Variants in GRIK4 observed in about 807,000 individuals in gnomAD.
The protein encoded by GRIK4 is glutamate ionotropic receptor kainate type subunit 4, also known as glutamate receptor ionotropic, kainate 4.
GRIK4 carries 40 observed loss-of-function variants against 104.9 expected under a neutral mutation model. The observed-to-expected ratio is 0.38, with a 90% CI of 0.30 to 0.50. GRIK4 has a LOEUF of 0.50. Ranked by LOEUF, GRIK4 falls within the 20% of genes least tolerant of loss-of-function variation. The pLI, the probability that GRIK4 is intolerant of heterozygous loss-of-function variation, is 0.93. For synonymous variants in GRIK4, 485 were observed against 524.9 expected, an observed-to-expected ratio of 0.92 and a Z score of 1.04; for missense variants, 1,047 against 1,308.1, an observed-to-expected ratio of 0.80 and a Z score of 3.08.
chr11:120,690,636 A>G (rs2135308581), intron 3 of GRIK4, among the ~76,000 whole-genome samples: 1 of 152,356 alleles, frequency 6.6e-6, no homozygotes, highest in Middle Eastern at 3.4e-3. Context: ...AGCAACCAAG[A>G]TGGGTCCCAG....
intron 11 of GRIK4, among the ~76,000 whole-genome samples, chr11:120,883,787 T>A (rs936199325): frequency 6.6e-6 from 1 of 152,234 alleles, no homozygotes; most frequent in East Asian, 1.9e-4. Flanking sequence ...TAAATGTATT[T>A]CTTATAATGT....
At chr11:120,782,683 T>C (rs1394956294) in intron 3 of GRIK4, among the ~76,000 whole-genome samples, 1 of 152,150 alleles carries the variant, frequency 6.6e-6, no homozygotes, top group Non-Finnish European at 1.5e-5. Context: ...TGGAGATTCC[T>C]CCCGTGGCTA....
At chr11:120,802,108 C>A (rs1303953898) in intron 3 of GRIK4, among the ~76,000 whole-genome samples, 1 of 152,208 alleles carries the variant, frequency 6.6e-6, no homozygotes, top group Non-Finnish European at 1.5e-5. Context: ...GGTTGTCCTA[C>A]TCTTTCTAAT....
At chr11:120,856,752 A>T (rs1209775439) in intron 8 of GRIK4, among the ~76,000 whole-genome samples, 1 of 152,136 alleles carries the variant, frequency 6.6e-6, no homozygotes, top group African/African-American at 2.4e-5. Flanking sequence ...TACCACCTGG[A>T]CCTGTGCTTT....
chr11:120,832,846 C>T (rs1041279140), intron 7 of GRIK4, among the ~76,000 whole-genome samples: 8 of 152,222 alleles, frequency 5.3e-5, no homozygotes, highest in African/African-American at 1.9e-4. Flanking sequence ...AGTCACCTGA[C>T]GTCAGTTCCT....
At chr11:120,758,062 T>C (rs967775401) in intron 3 of GRIK4, among the ~76,000 whole-genome samples, 1 of 152,162 alleles carries the variant, frequency 6.6e-6, no homozygotes, top group South Asian at 2.1e-4. Flanking sequence ...AGGTGACCCC[T>C]CTGCATCCAT....
chr11:120,749,811 G>C (rs1951514731), intron 3 of GRIK4, among the ~76,000 whole-genome samples: 1 of 152,176 alleles, frequency 6.6e-6, no homozygotes, highest in Non-Finnish European at 1.5e-5. Flanking sequence ...TCAGCGGTGG[G>C]CGGGGGGAAG....
At chr11:120,938,978 A>C (rs1943658993) in intron 13 of GRIK4, among the ~76,000 whole-genome samples, 1 of 152,128 alleles carries the variant, frequency 6.6e-6, no homozygotes, top group African/African-American at 2.4e-5. Context: ...CATTTTGAGA[A>C]CCACCATAGA....
intron 13 of GRIK4, among the ~76,000 whole-genome samples, chr11:120,918,024 T>C (rs1943148365): frequency 2.0e-5 from 3 of 152,222 alleles, no homozygotes; most frequent in Non-Finnish European, 4.4e-5. Context: ...AATGTGATCT[T>C]AATGTCTTCT....
intron 1 of GRIK4, among the ~76,000 whole-genome samples, chr11:120,566,702 C>T (rs1333037795): frequency 6.8e-6 from 1 of 147,862 alleles, no homozygotes; most frequent in Non-Finnish European, 1.5e-5. Context: ...TGTTTATACC[C>T]TCAGTTTTTT....
intron 1 of GRIK4, among the ~76,000 whole-genome samples, chr11:120,645,744 A>G (rs536037814): frequency 3.9e-5 from 6 of 152,280 alleles, no homozygotes; most frequent in African/African-American, 1.2e-4. Context: ...AGAGTTCCCT[A>G]TCTGGCGCCC....
intron 18 of GRIK4, among the ~76,000 whole-genome samples, chr11:120,966,321 A>G (rs1250781933): frequency 1.3e-5 from 2 of 152,138 alleles, no homozygotes; most frequent in Non-Finnish European, 2.9e-5. Context: ...CTCTGGATAA[A>G]CAGTTGTCAG....
intron 3 of GRIK4, among the ~76,000 whole-genome samples, chr11:120,772,628 A>T (rs188267462): frequency 6.6e-6 from 1 of 152,122 alleles, no homozygotes; most frequent in East Asian, 1.9e-4. Context: ...AGGTGAGAAC[A>T]GGTGGTGTAT....
At position 120,659,333 on chromosome 11, in the gene GRIK4, T is replaced by C. The variant is rs75868513; in HGVS notation, c.-50-936T>C. 2.6e-3 allele frequency among the ~76,000 whole-genome samples: 389 copies of C among 152,278 alleles called. 9 individuals carry two copies. The East Asian group carries it at 0.07, about 27-fold the overall frequency. ...TAGAGCAGATGTGGAAAGCAGCTGA[T>C]AACCTGGGAGGTGTGTGTCTGCTCT... On this transcript the variant is annotated intron_variant, in intron 2 of 20. Transcript: ENST00000527524.
At chr11:120,584,400 G>C (rs1003934058) in intron 1 of GRIK4, among the ~76,000 whole-genome samples, 4 of 152,296 alleles carry the variant, frequency 2.6e-5, no homozygotes, top group Middle Eastern at 3.4e-3. Flanking sequence ...GCATGGTGCT[G>C]GTATCTGCTC....
intron 11 of GRIK4, among the ~76,000 whole-genome samples, chr11:120,877,650 C>G (rs1380666240): frequency 6.6e-6 from 1 of 152,050 alleles, no homozygotes; most frequent in African/African-American, 2.4e-5. Context: ...TTTTGTGGAG[C>G]CTGTATTCTA....
intron 7 of GRIK4, among the ~76,000 whole-genome samples, chr11:120,834,263 G>GGGGTGTGT (rs1555075076): frequency 4.8e-5 from 7 of 145,992 alleles, no homozygotes; most frequent in Non-Finnish European, 9.0e-5. Context: ...ACACTTTATA[G>GGGGTGTGT]GTGTGTGTGT....
chr11:120,950,263 A>G (rs188365254), intron 14 of GRIK4, among the ~76,000 whole-genome samples: 59 of 152,216 alleles, frequency 3.9e-4, no homozygotes, highest in Admixed American at 7.2e-4. Flanking sequence ...AACGTGACTG[A>G]TATGTTTCTG....
chr11:120,867,094 C>T (rs185866608), intron 9 of GRIK4, among the ~76,000 whole-genome samples: 2 of 152,132 alleles, frequency 1.3e-5, no homozygotes, highest in Admixed American at 6.5e-5. Context: ...CTCCCAGTGC[C>T]AGAGAACCTT....
Sources: allele counts gnomAD v4.1 joint callset (sites outside exome capture counted in the v4.1 genomes callset), GRCh38; gene constraint gnomAD v4.1.1; transcripts MANE v1.5; gene names NCBI Gene and HGNC (gene_info 2026-07-23, HGNC 2026-07-21).